SPAG16: variants seen among roughly 807,000 people sequenced by gnomAD.
SPAG16 encodes the protein sperm associated antigen 16.
In SPAG16, 86 loss-of-function variants were observed where a neutral mutation model predicts 80.4. The ratio of observed to expected loss-of-function variants is 1.07; its 90% CI spans 0.90 to 1.28. The LOEUF (loss-of-function observed/expected upper bound fraction) is 1.28. Ranked by LOEUF, SPAG16 falls within the 50% of genes most tolerant of loss-of-function variation. The pLI is 0.00. For synonymous variants in SPAG16, 294 were observed against 265.9 expected (o/e 1.11, Z -1.03); for missense variants, 870 against 765.3 (o/e 1.14, Z -1.61).
chr2:214,167,000 GT>G (rs1319484303), intron 15 of SPAG16, among the ~76,000 whole-genome samples: 6 of 152,206 alleles, frequency 3.9e-5, no homozygotes, highest in Non-Finnish European at 7.4e-5. Flanking sequence ...TCCCAAATGA[GT>G]TAGAAAGAGA....
At chr2:214,116,003 A>G (rs111673530) in intron 14 of SPAG16, among the ~76,000 whole-genome samples, 315 of 152,098 alleles carry the variant, frequency 2.1e-3, no homozygotes, top group African/African-American at 7.3e-3. Context: ...GCCCCAGTGG[A>G]GCCCAAGACT....
intron 11 of SPAG16, among the ~76,000 whole-genome samples, chr2:213,888,415 G>C: frequency 6.6e-6 from 1 of 151,820 alleles, no homozygotes; most frequent in East Asian, 1.9e-4. Flanking sequence ...ACTTAAATTA[G>C]ACCACAAGCT....
chr2:213,676,991 C>T (rs1264103526), intron 10 of SPAG16, among the ~76,000 whole-genome samples: 3 of 151,396 alleles, frequency 2.0e-5, no homozygotes, highest in Non-Finnish European at 2.9e-5. Context: ...TGGTAGAATT[C>T]GGCTGTGAAT....
chr2:214,404,422 TTTG>T (rs1337779732), intron 15 of SPAG16, among the ~76,000 whole-genome samples: 1 of 152,194 alleles, frequency 6.6e-6, no homozygotes, highest in African/African-American at 2.4e-5. Flanking sequence ...AAAGGGCCTC[TTTG>T]TTGTTGTTGC....
At chr2:213,295,043 A>T (rs1256272317) in intron 1 of SPAG16, among the ~76,000 whole-genome samples, 1 of 152,168 alleles carries the variant, frequency 6.6e-6, no homozygotes, top group Non-Finnish European at 1.5e-5. Context: ...GTTATAAGCA[A>T]CAGAAGTTGT....
chr2:214,367,816 T>C (rs1699574788), intron 15 of SPAG16, among the ~76,000 whole-genome samples: 1 of 152,176 alleles, frequency 6.6e-6, no homozygotes, highest in African/African-American at 2.4e-5. Flanking sequence ...CTTTTTTTCC[T>C]TGAAGAAAAT....
chr2:213,521,703 AC>A (rs1235090566), intron 10 of SPAG16, among the ~76,000 whole-genome samples: 1 of 152,018 alleles, frequency 6.6e-6, no homozygotes, highest in Non-Finnish European at 1.5e-5. Context: ...TATCAAAAAA[AC>A]TCTTATTTTA....
At chr2:213,613,814 G>A (rs1158696837) in intron 10 of SPAG16, among the ~76,000 whole-genome samples, 1 of 152,066 alleles carries the variant, frequency 6.6e-6, no homozygotes, top group Non-Finnish European at 1.5e-5. Flanking sequence ...ATGCATGGAT[G>A]GTTCTTCCTA....
chr2:214,063,217 G>A (rs970075649), intron 13 of SPAG16, among the ~76,000 whole-genome samples: 1 of 152,118 alleles, frequency 6.6e-6, no homozygotes, highest in Non-Finnish European at 1.5e-5. Flanking sequence ...GCCAGCTCTT[G>A]CCTCTCCAGG....
At chr2:214,288,801 C>T (rs1219092774) in intron 15 of SPAG16, among the ~76,000 whole-genome samples, 2 of 74,154 alleles carry the variant, frequency 2.7e-5, no homozygotes, top group African/African-American at 9.1e-5. Context: ...CGTTGTCTCG[C>T]TCTGTCACCC....
intron 10 of SPAG16, among the ~76,000 whole-genome samples, chr2:213,668,586 A>T (rs943771352): frequency 6.6e-6 from 1 of 152,092 alleles, no homozygotes; most frequent in African/African-American, 2.4e-5. Context: ...ATCAGGTTGC[A>T]TTATTTATGC....
chr2:214,110,920 A>G (rs761769485), intron 14 of SPAG16, among the ~76,000 whole-genome samples: 3 of 151,824 alleles, frequency 2.0e-5, no homozygotes, highest in South Asian at 2.1e-4. Context: ...TGTTGGCTGC[A>G]TAAGTATCTT....
At chr2:214,318,373 C>CTT (rs34923875) in intron 15 of SPAG16, among the ~76,000 whole-genome samples, 727 of 69,838 alleles carry the variant, frequency 0.01, 98 homozygotes, top group Non-Finnish European at 0.014. Flanking sequence ...AGAGTGAATT[C>CTT]TTTTTTTTTT....
At chr2:214,183,778 T>C (rs992536951) in intron 15 of SPAG16, among the ~76,000 whole-genome samples, 2 of 151,986 alleles carry the variant, frequency 1.3e-5, no homozygotes, top group Admixed American at 1.3e-4. Context: ...CTGCTTGTCT[T>C]TTCCTCAAAT....
intron 10 of SPAG16, among the ~76,000 whole-genome samples, chr2:213,500,089 A>C (rs755221331): frequency 6.6e-6 from 1 of 152,304 alleles, no homozygotes; most frequent in Non-Finnish European, 1.5e-5. Flanking sequence ...TTAACTGTCC[A>C]ATCAGATTCT....
intron 10 of SPAG16, among the ~76,000 whole-genome samples, chr2:213,548,929 A>G (rs987674631): frequency 7.9e-5 from 12 of 151,968 alleles, no homozygotes; most frequent in Non-Finnish European, 1.6e-4. Context: ...ATATAAATGC[A>G]TTTGTCCTGG....
At chr2:213,498,295 G>T (rs2074582606) in intron 10 of SPAG16, among the ~76,000 whole-genome samples, 1 of 152,072 alleles carries the variant, frequency 6.6e-6, no homozygotes, top group Non-Finnish European at 1.5e-5. Context: ...AATGCATGTG[G>T]AATGGTATCC....
chr2:213,417,680 A>G (rs780073331), intron 9 of SPAG16, among the ~76,000 whole-genome samples: 5 of 152,204 alleles, frequency 3.3e-5, no homozygotes, highest in Non-Finnish European at 5.9e-5. Context: ...GGCATAACGA[A>G]GAAACTAAAA....
rs535891396 is a variant in SPAG16 at position 213,623,873 on chromosome 2, TA to T, written c.1070+133786del. Among the ~76,000 whole-genome samples the T allele has an allele frequency of 4.4e-3, 672 of 152,164 alleles. 7 individuals are homozygous for T. Among genetic ancestry groups the T allele is most frequent in the African/African-American group, 0.015 (634 of 41,556 alleles). ...AATTCTGTAACAATAAATATACTCT[TA>T]AAGGTGAATTTTAGACATTATCAAT... On this transcript the variant is annotated intron_variant, in intron 10 of 15. Transcript: ENST00000331683.
Sources: allele counts gnomAD v4.1 joint callset (sites outside exome capture counted in the v4.1 genomes callset), GRCh38; gene constraint gnomAD v4.1.1; transcripts MANE v1.5; gene names NCBI Gene and HGNC (gene_info 2026-07-23, HGNC 2026-07-21).